The following PEA15 variants were observed in gnomAD, a reference collection of about 807,000 sequenced individuals.
PEA15 encodes astrocytic phosphoprotein PEA-15.
For synonymous variants in PEA15, 60 were observed against 61.8 expected, an observed-to-expected ratio of 0.97 and a Z score of 0.13; for missense variants, 77 against 161.3, an observed-to-expected ratio of 0.48 and a Z score of 2.83.
chr1:160,212,161 C>G (rs1038295426), intron 2 of PEA15, among the ~76,000 whole-genome samples: 2 of 152,116 alleles, frequency 1.3e-5, no homozygotes, highest in East Asian at 3.8e-4. Context: ...GAGACTACTG[C>G]TTGGGGAGTG....
chr1:160,214,139 C>T lies in PEA15; in HGVS notation c.*653C>T, dbSNP rs1299630110. 6.4e-6 allele frequency: 1 copy of T among 155,362 alleles called. No individual in the cohort carries two copies. Among genetic ancestry groups the T allele is most frequent in the African/African-American group, 2.4e-5 (1 of 41,422 alleles). The allele number at this position is 155,362 out of a possible 1,614,324, so 9.6% of individuals were successfully genotyped here. On this transcript the variant is annotated 3_prime_UTR_variant, in exon 4 of 4. Coordinates refer to ENST00000360472, the MANE Select transcript of PEA15 (RefSeq NM_003768.5). ...CGTTAGATGCCCCCACCCACCTGTA[C>T]TCTGGAGAGACTGTGCTGGGAACAT...
chr1:160,213,018 A>G lies in PEA15; in HGVS notation c.173-92A>G, dbSNP rs924033800. The G allele has an allele frequency of 1.5e-6, 2 of 1,304,070 alleles. No homozygotes were observed. The highest frequency in any genetic ancestry group is 1.7e-5 in the Admixed American group (1 of 58,428). The allele number at this position is 1,304,070 out of a possible 1,614,324, so 80.8% of individuals were successfully genotyped here. A position where few individuals can be genotyped will look rare whatever the true frequency, so the allele number is the denominator to read the frequency against. On this transcript the variant is annotated intron_variant, in intron 2 of 3. Transcript: ENST00000360472. This position sits in a 1 kb window ranked among gnomAD's most constrained non-coding sequence, Gnocchi z 5.3. ...TACCCTCCCATAACCAATGTCAGCA[A>G]CTCAGCTTTGGTTCCAGGTCACTAG...
intron 1 of PEA15, 77 bp from the exon 2 acceptor site, chr1:160,211,466 G>A: frequency 6.8e-7 from 1 of 1,462,682 alleles, no homozygotes; most frequent in Non-Finnish European, 9.2e-7. Context: ...TGGGGAGTAG[G>A]AGGGTAGTGC....
chr1:160,213,303 T>C lies in PEA15; in HGVS notation c.328+38T>C, dbSNP rs1654951722. ...TCCTTTAACTAGCTGCACCTCTGCCTCGTCCCGTTGACTATCCTTGGAGTA... is the reference window on the plus strand; with the variant it reads ...TCCTTTAACTAGCTGCACCTCTGCCCCGTCCCGTTGACTATCCTTGGAGTA... On this transcript the variant is annotated intron_variant, in intron 3 of 3. Coordinates refer to ENST00000360472, the MANE Select transcript of PEA15 (RefSeq NM_003768.5). This position sits in a 1 kb window ranked among gnomAD's most constrained non-coding sequence, Gnocchi z 5.3. The C allele has an allele frequency of 6.2e-7, 1 of 1,613,888 alleles. No homozygotes were observed. Among genetic ancestry groups the C allele is most frequent in the Non-Finnish European group, 8.5e-7 (1 of 1,179,884 alleles).
chr1:160,210,541 A>G (rs1654827480), intron 1 of PEA15, among the ~76,000 whole-genome samples: 1 of 152,118 alleles, frequency 6.6e-6, no homozygotes, highest in African/African-American at 2.4e-5. Flanking sequence ...TCTACTTCTC[A>G]CCTAAGGATC....
chr1:160,205,399 A>C lies in PEA15; in HGVS notation c.-126A>C. 1 of 185,334 alleles carries C rather than the reference A, an allele frequency of 5.4e-6. No homozygotes were observed. 11.5% of individuals were successfully genotyped at this position (185,334 alleles called of 1,614,324 possible). On this transcript the variant is annotated 5_prime_UTR_variant, in exon 1 of 4. Coordinates refer to ENST00000360472, the MANE Select transcript of PEA15 (RefSeq NM_003768.5). This position sits in a 1 kb window ranked among gnomAD's most constrained non-coding sequence, Gnocchi z 5.9. ...CTCGGGCTCCGGCTCCGCGGGCGGAAGAGGCGGCGGCGGCGGCAGAAGCGG... is the reference window on the plus strand; with the variant it reads ...CTCGGGCTCCGGCTCCGCGGGCGGACGAGGCGGCGGCGGCGGCAGAAGCGG...
chr1:160,210,556 A>G (rs1654828203), intron 1 of PEA15, among the ~76,000 whole-genome samples: 1 of 152,178 alleles, frequency 6.6e-6, no homozygotes, highest in African/African-American at 2.4e-5. Flanking sequence ...AGGATCATGA[A>G]AGAGGGATAG....
intron 1 of PEA15, among the ~76,000 whole-genome samples, chr1:160,209,827 G>A (rs1571064982): frequency 6.6e-6 from 1 of 152,328 alleles, no homozygotes; most frequent in South Asian, 2.1e-4. Context: ...AGTGAAGTGA[G>A]GGGGGTTGGG....
rs550561072 is a variant in PEA15, at chr1:160,208,429, G to A, written c.-3+2907G>A. 37 of 603,566 alleles carry A rather than the reference G, an allele frequency of 6.1e-5. No homozygotes were observed. The highest frequency in any genetic ancestry group is 2.3e-4 in the Admixed American group (8 of 35,058). The allele number at this position is 603,566 out of a possible 1,614,324, so 37.4% of individuals were successfully genotyped here. On this transcript the variant is annotated intron_variant, in intron 1 of 3. Transcript: ENST00000360472. This position sits in a 1 kb window ranked among gnomAD's most constrained non-coding sequence, Gnocchi z 4.1. ...CTGACTTCCTGGCAGCCGGGGCTCC[G>A]GTTCCTGATTCCTGCCCTGGTATCC... is the stretch of plus-strand genomic sequence containing the variant.
Position 160,211,664 on chromosome 1 carries a change from T to C in PEA15, c.120T>C (p.Thr40=). 2 of 1,614,048 alleles carry C rather than the reference T, an allele frequency of 1.2e-6. No homozygotes were observed. Among genetic ancestry groups the C allele is most frequent in the Non-Finnish European group, 1.7e-6 (2 of 1,179,956 alleles). ...DIPSEKSEEI[T]TGSAWFSFLE... is the part of the protein sequence containing the mutation. Reference sequence around the variant, plus strand: ...CCAGCGAAAAGAGTGAGGAGATCACTACTGGCAGTGCCTGGTTTAGCTTCC... The same window carrying C: ...CCAGCGAAAAGAGTGAGGAGATCACCACTGGCAGTGCCTGGTTTAGCTTCC... The change falls in exon 2 of 4, where the codon ACT becomes ACC. Residue 40 remains threonine (T), a synonymous_variant. Transcript: ENST00000360472.
chr1:160,213,342 A>G lies in PEA15; in HGVS notation c.328+77A>G. On this transcript the variant is annotated intron_variant, in intron 3 of 3. Coordinates refer to ENST00000360472, the MANE Select transcript of PEA15 (RefSeq NM_003768.5). The surrounding 1 kb of genome is among the most constrained non-coding windows in gnomAD (Gnocchi z 5.3). The stretch of plus-strand genomic sequence containing the variant: ...ATCCTTGGAGTACTTGAGTTTTGGG[A>G]GAGTGGAGGCAGATGCCCAATGGGC... 6.2e-7 allele frequency: 1 copy of G among 1,611,788 alleles called. No individual in the cohort carries two copies. The highest frequency in any genetic ancestry group is 1.1e-5 in the South Asian group (1 of 91,018).
intron 1 of PEA15, among the ~76,000 whole-genome samples, chr1:160,209,643 C>A (rs369227407): frequency 2.0e-5 from 3 of 152,144 alleles, no homozygotes; most frequent in East Asian, 3.9e-4. Context: ...CCCCCTTTTC[C>A]AGCTGAGGGC....
At position 160,211,487 on chromosome 1, in the gene PEA15, A is replaced by G. The variant is rs1460559215; in HGVS notation, c.-2-56A>G. 4 of 1,524,334 alleles carry G rather than the reference A, an allele frequency of 2.6e-6. No individual in the cohort carries two copies. The East Asian group carries it at 7.0e-5, about 27-fold the overall frequency. 94.4% of individuals were successfully genotyped at this position (1,524,334 alleles called of 1,614,324 possible). A position where few individuals can be genotyped will look rare whatever the true frequency, so the allele number is the denominator to read the frequency against. On this transcript the variant is annotated intron_variant, in intron 1 of 3. Coordinates refer to ENST00000360472, the MANE Select transcript of PEA15 (RefSeq NM_003768.5). ...GTAGGAGGGTAGTGCCAGTGAGTAA[A>G]CCAGACTCCATACCTTAAGCTCAAC...
In PEA15 at chr1:160,208,808, G is replaced by A. The variant is rs555219980; in HGVS notation, c.-2-2735G>A. 1.0e-5 allele frequency: 7 copies of A among 669,396 alleles called. No individual in the cohort carries two copies. In the African/African-American group the frequency reaches 1.1e-4, roughly 10 times the overall value. The allele number at this position is 669,396 out of a possible 1,614,324, so 41.5% of individuals were successfully genotyped here. A position where few individuals can be genotyped will look rare whatever the true frequency, so the allele number is the denominator to read the frequency against. On this transcript the variant is annotated intron_variant, in intron 1 of 3. Transcript: ENST00000360472. The surrounding 1 kb of genome is among the most constrained non-coding windows in gnomAD (Gnocchi z 4.1). ...CTGCCTTTCCTTGTACCGTCAGGGG[G>A]CCTTATTCCTATCCTTTCTGTCCCT...
intron 1 of PEA15, among the ~76,000 whole-genome samples, chr1:160,210,633 G>C (rs564355897): frequency 6.6e-6 from 1 of 152,318 alleles, no homozygotes; most frequent in African/African-American, 2.4e-5. Flanking sequence ...AGTGCCAGTA[G>C]GATGTTGATA....
chr1:160,211,193 G>A, intron 1 of PEA15: 2 of 650,172 alleles, frequency 3.1e-6, no homozygotes, highest in Non-Finnish European at 3.9e-6. Context: ...GGGACTTGGA[G>A]AGAGCGGGTG....
In PEA15 at chr1:160,208,487, G is replaced by A. The variant is rs943819610; in HGVS notation, c.-3+2965G>A. The A allele has an allele frequency of 1.1e-6, 1 of 915,130 alleles. No individual in the cohort carries two copies. Among genetic ancestry groups the A allele is most frequent in the Non-Finnish European group, 1.7e-6 (1 of 584,556 alleles). 56.7% of individuals were successfully genotyped at this position (915,130 alleles called of 1,614,324 possible). ...AGAATGGCCTCCGCCCAGACTGCCT[G>A]GTGATCCCTGAGCAGCTCTCTGCAC... On this transcript the variant is annotated intron_variant, in intron 1 of 3. Transcript: ENST00000360472. This position sits in a 1 kb window ranked among gnomAD's most constrained non-coding sequence, Gnocchi z 4.1.
Position 160,213,176 on chromosome 1 carries a change from T to C in PEA15, c.239T>C (p.Val80Ala). 2 of 1,614,148 alleles carry C rather than the reference T, an allele frequency of 1.2e-6. No individual in the cohort carries two copies. Among genetic ancestry groups the C allele is most frequent in the African/African-American group, 2.7e-5 (2 of 75,030 alleles). Residue 80 changes from valine to alanine, a missense_variant, in exon 3 of 4, where the codon GTT (valine) becomes GCT (alanine). Coordinates refer to ENST00000360472, the MANE Select transcript of PEA15 (RefSeq NM_003768.5). This position sits in a 1 kb window ranked among gnomAD's most constrained non-coding sequence, Gnocchi z 5.3. ...CGTCCTGACCTACTCACTATGGTGG[T>C]TGACTACAGAACCCGTGTGCTGAAG... ...SRRPDLLTMV[V>A]DYRTRVLKIS...
rs1654976493 is a variant in PEA15, at chr1:160,213,708, T to G, written c.*222T>G. 6.5e-5 allele frequency: 18 copies of G among 278,610 alleles called. No homozygotes were observed. Among genetic ancestry groups the G allele is most frequent in the South Asian group, 1.5e-4 (4 of 27,558 alleles). The allele number at this position is 278,610 out of a possible 1,614,324, so 17.3% of individuals were successfully genotyped here. A position where few individuals can be genotyped will look rare whatever the true frequency, so the allele number is the denominator to read the frequency against. On this transcript the variant is annotated 3_prime_UTR_variant, in exon 4 of 4. Coordinates refer to ENST00000360472, the MANE Select transcript of PEA15 (RefSeq NM_003768.5). This position sits in a 1 kb window ranked among gnomAD's most constrained non-coding sequence, Gnocchi z 5.3. ...TCTTAAGGGGATGGGGGTCAGGGGCTAGGGGAGGGGGCTGAGTTTCCCCAC... is the reference window on the plus strand; with the variant it reads ...TCTTAAGGGGATGGGGGTCAGGGGCGAGGGGAGGGGGCTGAGTTTCCCCAC...
Sources: gnomAD v4.1 joint callset for allele counts (sites outside exome capture counted in the v4.1 genomes callset) on GRCh38, gnomAD v4.1.1 for gene constraint, Gnocchi (gnomAD v3.1) non-coding constraint, MANE v1.5 for transcripts, NCBI Gene and HGNC (gene_info 2026-07-23, HGNC 2026-07-21) for gene names.